CTCF: variants seen among roughly 807,000 people sequenced by gnomAD.
The protein encoded by CTCF is transcriptional repressor CTCF.
Under a neutral mutation model 72.3 loss-of-function variants are expected in CTCF, and 7 were observed. The observed-to-expected ratio is 0.10, with a 90% confidence interval of 0.06 to 0.18. CTCF has a LOEUF of 0.18. CTCF is among the 10% of genes least tolerant of loss of function. The pLI, the probability that CTCF is intolerant of heterozygous loss-of-function variation, is 1.00. For synonymous variants in CTCF, 374 were observed against 315.8 expected (o/e 1.18, Z -1.95); for missense variants, 516 against 949.1 (o/e 0.54, Z 6.00).
rs1382721633 is a variant in CTCF at position 67,621,589 on chromosome 16, T to G, written c.1355T>G (p.Leu452Trp). The G allele has an allele frequency of 6.3e-7, 1 of 1,597,574 alleles. No homozygotes were observed. Among genetic ancestry groups the G allele is most frequent in the Admixed American group, 1.7e-5 (1 of 59,798 alleles). The part of the protein sequence containing the change: ...CDTVIARKSD[L>W]GVHLRKQHSY... ...ACAGTCATAGCCCGAAAAAGTGATT[T>G]GGGTAAGTAGATTAACTAGTGAGAA... The change falls in exon 7 of 12, where the codon TTG (leucine) becomes TGG (tryptophan). Residue 452 changes from leucine (L) to tryptophan (W), a missense_variant and splice_region_variant. Leu to Trp is a moderately conservative substitution (Grantham distance 61, BLOSUM62 -2). Coordinates refer to ENST00000264010, the MANE Select transcript of CTCF (RefSeq NM_006565.4).
chr16:67,585,067 C>CA (rs1175063605), intron 2 of CTCF, among the ~76,000 whole-genome samples: 5 of 152,098 alleles, frequency 3.3e-5, no homozygotes, highest in African/African-American at 1.2e-4. Flanking sequence ...ATTTTTTAGA[C>CA]AGAGTTTTGC....
intron 2 of CTCF, among the ~76,000 whole-genome samples, chr16:67,581,083 C>T (rs535258597): frequency 3.9e-5 from 6 of 152,000 alleles, no homozygotes; most frequent in South Asian, 2.1e-4. Context: ...CACCCGCCAC[C>T]GCACCCAGCT....
chr16:67,620,039 G>A (rs2052181858), intron 5 of CTCF, among the ~76,000 whole-genome samples: 1 of 152,174 alleles, frequency 6.6e-6, no homozygotes, highest in African/African-American at 2.4e-5. Flanking sequence ...AAGAGGATGA[G>A]TGGAATTAAA....
intron 2 of CTCF, among the ~76,000 whole-genome samples, chr16:67,590,074 C>T (rs961586323): frequency 3.3e-5 from 5 of 150,610 alleles, no homozygotes; most frequent in East Asian, 3.9e-4. Context: ...TCAACAAGAG[C>T]GAAACTCCGT....
intron 2 of CTCF, among the ~76,000 whole-genome samples, chr16:67,595,982 T>C (rs1042480188): frequency 6.6e-6 from 1 of 151,368 alleles, no homozygotes; most frequent in African/African-American, 2.4e-5. Flanking sequence ...TGAGACAGAG[T>C]CTCTCTCTGT....
At chr16:67,607,130 T>C (rs2051984559) in intron 2 of CTCF, among the ~76,000 whole-genome samples, 1 of 151,690 alleles carries the variant, frequency 6.6e-6, no homozygotes, top group Non-Finnish European at 1.5e-5. Context: ...CTAATTTTTG[T>C]ATTTTTAATA....
rs34873720 is a variant in CTCF at position 67,604,964 on chromosome 16, A to ATTTTT, written c.-9-5836_-9-5832dup. On this transcript the variant is annotated intron_variant, in intron 2 of 11. Transcript: ENST00000264010. Reference sequence around the variant, plus strand: ...TTTTACAATCAGAGGTATAAATGGGATTTTTTTTTTTTTTTTTTTTTTTTT... The same window carrying ATTTTT: ...TTTTACAATCAGAGGTATAAATGGGATTTTTTTTTTTTTTTTTTTTTTTTTTTTTT... Among the ~76,000 whole-genome samples, 37 of 73,778 alleles carry ATTTTT rather than the reference A, an allele frequency of 5.0e-4. 4 individuals are homozygous for ATTTTT. The highest frequency in any genetic ancestry group is 1.6e-3 in the African/African-American group (25 of 15,950). 48.4% of individuals were successfully genotyped at this position (73,778 alleles called of 152,430 possible).
At chr16:67,592,792 C>T (rs905912384) in intron 2 of CTCF, among the ~76,000 whole-genome samples, 5 of 151,600 alleles carry the variant, frequency 3.3e-5, no homozygotes, top group Admixed American at 2.0e-4. Context: ...TTTGGGAGGC[C>T]GAGGTGGGTG....
At chr16:67,576,353 A>G (rs1304849047) in intron 2 of CTCF, among the ~76,000 whole-genome samples, 1 of 152,004 alleles carries the variant, frequency 6.6e-6, no homozygotes, top group Admixed American at 6.6e-5. Flanking sequence ...CGTGGAAATC[A>G]TCAGTCAAAA....
chr16:67,593,151 G>A (rs77375566), intron 2 of CTCF, among the ~76,000 whole-genome samples: 6,314 of 151,030 alleles, frequency 0.042, 140 homozygotes, highest in Middle Eastern at 0.056. Flanking sequence ...TAAAGAGAAA[G>A]GTGCAAGGTA....
intron 2 of CTCF, among the ~76,000 whole-genome samples, chr16:67,585,506 T>G (rs1313336515): frequency 6.6e-6 from 1 of 152,250 alleles, no homozygotes; most frequent in Admixed American, 6.5e-5. Context: ...TTACTCATCT[T>G]CTTAACCCAG....
At chr16:67,610,597 G>A (rs193224084) in intron 2 of CTCF, 51 of 206,360 alleles carry the variant, frequency 2.5e-4, no homozygotes, top group Middle Eastern at 1.7e-3. Context: ...CTCGTGATCC[G>A]CCCGCCTCAG....
chr16:67,599,349 C>T (rs1454370535), intron 2 of CTCF, among the ~76,000 whole-genome samples: 2 of 152,140 alleles, frequency 1.3e-5, no homozygotes, highest in African/African-American at 4.8e-5. Flanking sequence ...GAGCCGAGGT[C>T]GTGCCACTGC....
intron 7 of CTCF, among the ~76,000 whole-genome samples, chr16:67,622,951 C>T (rs565171650): frequency 1.2e-4 from 17 of 139,088 alleles, no homozygotes; most frequent in Non-Finnish European, 1.4e-4. Context: ...CATGAGCCAC[C>T]GCGCCCAGCC....
rs113110011 is a variant in CTCF at position 67,565,293 on chromosome 16, C to G, written c.-127+2569C>G. Among the ~76,000 whole-genome samples, 1,456 of 151,822 alleles carry G rather than the reference C, an allele frequency of 9.6e-3. 26 individuals are homozygous for G. Among genetic ancestry groups the G allele is most frequent in the African/African-American group, 0.033 (1,354 of 41,468 alleles). ...CTGGGATTACAGGCGTGAGCCATCT[C>G]GCCAGGCCAGGACCTGTTATTTAAA... On this transcript the variant is annotated intron_variant, in intron 1 of 11. Transcript: ENST00000264010.
intron 2 of CTCF, among the ~76,000 whole-genome samples, chr16:67,576,550 G>GTTTTT (rs35771667): frequency 3.0e-4 from 32 of 108,260 alleles, no homozygotes; most frequent in East Asian, 5.1e-4. Context: ...ATAATAGAAT[G>GTTTTT]TTTTTTTTTT....
At chr16:67,597,994 T>C (rs1212744525) in intron 2 of CTCF, among the ~76,000 whole-genome samples, 4 of 152,136 alleles carry the variant, frequency 2.6e-5, no homozygotes, top group Admixed American at 2.6e-4. Context: ...TAGTTTTTTT[T>C]TAGACCATGT....
chr16:67,620,061 G>T (rs1421035061), intron 5 of CTCF, among the ~76,000 whole-genome samples: 1 of 152,174 alleles, frequency 6.6e-6, no homozygotes, highest in African/African-American at 2.4e-5. Flanking sequence ...TATGTACTCA[G>T]TAACACAGGA....
chr16:67,578,496 C>G (rs1567593842), intron 2 of CTCF, among the ~76,000 whole-genome samples: 1 of 151,600 alleles, frequency 6.6e-6, no homozygotes, highest in Non-Finnish European at 1.5e-5. Flanking sequence ...CCATGCCCAG[C>G]GAATTTTTGT....
Sources: gnomAD v4.1 joint callset for allele counts (sites outside exome capture counted in the v4.1 genomes callset) on GRCh38, gnomAD v4.1.1 for gene constraint, MANE v1.5 for transcripts, NCBI Gene and HGNC (gene_info 2026-07-23, HGNC 2026-07-21) for gene names.